Variants in PSME4 observed in about 807,000 individuals in gnomAD.
The protein encoded by PSME4 is proteasome activator complex subunit 4.
In PSME4, 89 loss-of-function variants were observed where a neutral mutation model predicts 253.9. The ratio of observed to expected loss-of-function variants is 0.35; its 90% CI spans 0.30 to 0.42. The LOEUF is 0.42. PSME4 is among the 10% of genes least tolerant of loss of function. The pLI, the probability that PSME4 is intolerant of heterozygous loss-of-function variation, is 1.00. For synonymous variants in PSME4, 851 were observed against 759.2 expected, an observed-to-expected ratio of 1.12 and a Z score of -1.99; for missense variants, 2,014 against 2,195.2, an observed-to-expected ratio of 0.92 and a Z score of 1.65.
rs1272051708 is a variant in PSME4 at position 53,864,495 on chromosome 2, C to T, written c.*1083G>A. 6.7e-6 allele frequency: 1 copy of T among 149,728 alleles called. No homozygotes were observed. Among genetic ancestry groups the T allele is most frequent in the Non-Finnish European group, 1.5e-5 (1 of 67,424 alleles). The allele number at this position is 149,728 out of a possible 1,614,324, so 9.3% of individuals were successfully genotyped here. A position where few individuals can be genotyped will look rare whatever the true frequency, so the allele number is the denominator to read the frequency against. On this transcript the variant is annotated 3_prime_UTR_variant, in exon 47 of 47. Coordinates refer to ENST00000404125, the MANE Select transcript of PSME4 (RefSeq NM_014614.3). ...AGATAAAGAAAATAATTTAAAAACA[C>T]AAAAAATGGCATTCAGTGGGTACAA...
chr2:53,925,424 A>T, intron 14 of PSME4, 115 bp downstream of exon 14: 3 of 992,856 alleles, frequency 3.0e-6, no homozygotes, highest in Non-Finnish European at 2.7e-6. Context: ...TTAAAACTTT[A>T]GTATGAATGT....
At chr2:53,919,002 G>A (rs969307118) in intron 20 of PSME4, 149 bp downstream of exon 20, 6 of 677,394 alleles carry the variant, frequency 8.9e-6, no homozygotes, top group Non-Finnish European at 1.5e-5. Context: ...AATCTAAATT[G>A]TACCTCTGGT....
At chr2:53,952,052 C>T (rs1237330154) in intron 1 of PSME4, among the ~76,000 whole-genome samples, 1 of 151,764 alleles carries the variant, frequency 6.6e-6, no homozygotes, top group Non-Finnish European at 1.5e-5. Context: ...CAAACATCTC[C>T]CTAAAAACTG....
chr2:53,933,375 C>CTAAAAAAA (rs1668942052), intron 8 of PSME4, among the ~76,000 whole-genome samples: 1 of 60,628 alleles, frequency 1.6e-5, no homozygotes, highest in African/African-American at 8.4e-5. Flanking sequence ...GAGACCATCT[C>CTAAAAAAA]AAAAAAAAAA....
Position 53,866,962 on chromosome 2 carries a change from A to G in PSME4, c.5264-82T>C, listed in dbSNP as rs953960994. On this transcript the variant is annotated intron_variant, in intron 44 of 46. Transcript: ENST00000404125. Reference sequence around the variant, plus strand: ...TACAGTGAGATAAAATTAGTTTTCAATTGTGTTGTTTTCAATATGTGAATT... The same window carrying G: ...TACAGTGAGATAAAATTAGTTTTCAGTTGTGTTGTTTTCAATATGTGAATT... 5 of 1,356,930 alleles carry G rather than the reference A, an allele frequency of 3.7e-6. No homozygotes were observed. The African/African-American group carries it at 5.9e-5, about 16-fold the overall frequency. The allele number at this position is 1,356,930 out of a possible 1,614,324, so 84.1% of individuals were successfully genotyped here.
At chr2:53,949,935 T>A (rs1437811341) in intron 1 of PSME4, among the ~76,000 whole-genome samples, 1 of 152,206 alleles carries the variant, frequency 6.6e-6, no homozygotes, top group Non-Finnish European at 1.5e-5. Flanking sequence ...CTATTTTATA[T>A]CTATTCTCAC....
chr2:53,889,447 C>G (rs1468201128), intron 37 of PSME4, among the ~76,000 whole-genome samples: 1 of 152,022 alleles, frequency 6.6e-6, no homozygotes, highest in Non-Finnish European at 1.5e-5. Context: ...AAAATCTGAA[C>G]AGGTTCACTA....
At chr2:53,930,662 T>C (rs935262840) in intron 10 of PSME4, among the ~76,000 whole-genome samples, 1 of 152,180 alleles carries the variant, frequency 6.6e-6, no homozygotes, top group African/African-American at 2.4e-5. Flanking sequence ...CAGCTCAAAA[T>C]TATAGATAAT....
chr2:53,919,458 T>G (rs1032139735), intron 19 of PSME4, among the ~76,000 whole-genome samples: 1 of 152,196 alleles, frequency 6.6e-6, no homozygotes, highest in African/African-American at 2.4e-5. Context: ...AGGCTCTAAG[T>G]AAATCACAAG....
In PSME4 at chr2:53,926,983, G is replaced by A. The variant is rs76076904; in HGVS notation, c.1593+411C>T. On this transcript the variant is annotated intron_variant, in intron 12 of 46. Transcript: ENST00000404125. ...ACAAGACTCCATCTCAAAAAAAAAA[G>A]AAAGAAAGAAAGAAAGAAAGAAGTT... is the stretch of plus-strand genomic sequence containing the variant. Among the ~76,000 whole-genome samples, 1,006 of 146,992 alleles carry A rather than the reference G, an allele frequency of 6.8e-3. 10 individuals are homozygous for A. Among genetic ancestry groups the A allele is most frequent in the Non-Finnish European group, 0.01 (681 of 65,602 alleles).
intron 44 of PSME4, 111 bp from the exon 45 acceptor site, chr2:53,866,991 G>T: frequency 1.9e-6 from 2 of 1,060,704 alleles, no homozygotes; most frequent in Non-Finnish European, 2.7e-6. Flanking sequence ...GTGAATTTCT[G>T]CATTTAAAAT....
chr2:53,908,469 A>G, intron 23 of PSME4, 41 bp downstream of exon 23: 8 of 1,610,498 alleles, frequency 5.0e-6, no homozygotes, highest in Non-Finnish European at 5.9e-6. Flanking sequence ...TCCAAGCTTG[A>G]TCGTATTAAT....
chr2:53,878,646 G>GT (rs1401211013), intron 41 of PSME4, among the ~76,000 whole-genome samples: 2 of 152,230 alleles, frequency 1.3e-5, no homozygotes, highest in Non-Finnish European at 2.9e-5. Context: ...GGGGACGGCT[G>GT]TCTTTTACAG....
intron 5 of PSME4, 144 bp downstream of exon 5, chr2:53,937,247 A>T: frequency 1.3e-6 from 1 of 765,760 alleles, no homozygotes; most frequent in South Asian, 2.3e-5. Flanking sequence ...TTTTAGCCTT[A>T]ACACACTTCA....
chr2:53,955,923 A>G (rs1670217524), intron 1 of PSME4, among the ~76,000 whole-genome samples: 1 of 152,184 alleles, frequency 6.6e-6, no homozygotes, highest in Non-Finnish European at 1.5e-5. Context: ...TTAGTCCCCA[A>G]AAAAACCAAA....
rs1558634552 is a variant in PSME4, at chr2:53,864,473, T to C, written c.*1105A>G. The C allele has an allele frequency of 6.7e-6, 1 of 148,218 alleles. No homozygotes were observed. Among genetic ancestry groups the C allele is most frequent in the African/African-American group, 2.5e-5 (1 of 40,258 alleles). 9.2% of individuals were successfully genotyped at this position (148,218 alleles called of 1,614,324 possible). ...CCACATCTCAGTTTTTGTAACAAGA[T>C]AAAGAAAATAATTTAAAAACACAAA... On this transcript the variant is annotated 3_prime_UTR_variant, in exon 47 of 47. Coordinates refer to ENST00000404125, the MANE Select transcript of PSME4 (RefSeq NM_014614.3).
chr2:53,890,946 GA>G (rs1383338436), intron 36 of PSME4, among the ~76,000 whole-genome samples: 1 of 152,184 alleles, frequency 6.6e-6, no homozygotes, highest in Admixed American at 6.5e-5. Context: ...AGAATTGCTT[GA>G]ACCTGGGAGG....
chr2:53,874,097 G>A (rs1161421799), intron 43 of PSME4, among the ~76,000 whole-genome samples: 1 of 152,122 alleles, frequency 6.6e-6, no homozygotes, highest in Non-Finnish European at 1.5e-5. Context: ...GAATAGCTGG[G>A]ATCACAGGTG....
chr2:53,901,186 C>G (rs941907111), intron 28 of PSME4, among the ~76,000 whole-genome samples, 164 bp downstream of exon 28: 1 of 151,846 alleles, frequency 6.6e-6, no homozygotes, highest in African/African-American at 2.4e-5. Context: ...CAATAATGAT[C>G]AATGAAAGTA....
Sources: gnomAD v4.1 joint callset for allele counts (sites outside exome capture counted in the v4.1 genomes callset) on GRCh38, gnomAD v4.1.1 for gene constraint, MANE v1.5 for transcripts, NCBI Gene and HGNC (gene_info 2026-07-23, HGNC 2026-07-21) for gene names.